The following CEP170 variants were observed in gnomAD, a reference collection of about 807,000 sequenced individuals.
CEP170 encodes centrosomal protein of 170 kDa.
In CEP170, 21 loss-of-function variants were observed where a neutral mutation model predicts 151.9. The ratio of observed to expected loss-of-function variants is 0.14; its 90% CI spans 0.10 to 0.20. The LOEUF (loss-of-function observed/expected upper bound fraction) is 0.20, where lower values mean the gene tolerates loss of function less well. Among genes scored for constraint, CEP170 ranks in the 10% least tolerant of loss-of-function variants. CEP170 has a pLI of 1.00. For synonymous variants in CEP170, 356 were observed against 648.8 expected (o/e 0.55, Z 6.86); for missense variants, 964 against 1,892.9 (o/e 0.51, Z 9.11).
chr1:243,206,767 T>C (rs1329608057), intron 4 of CEP170, among the ~76,000 whole-genome samples: 1 of 152,170 alleles, frequency 6.6e-6, no homozygotes, highest in Non-Finnish European at 1.5e-5. Context: ...CACATAAAAA[T>C]AAAATACATG....
chr1:243,190,937 T>C, intron 8 of CEP170, 81 bp downstream of exon 8: 1 of 1,424,496 alleles, frequency 7.0e-7, no homozygotes, highest in Admixed American at 2.8e-5. Flanking sequence ...ACCATGTAAG[T>C]ATCTACTAGT....
chr1:243,163,850 C>G (rs1174692450), intron 13 of CEP170, among the ~76,000 whole-genome samples: 1 of 152,210 alleles, frequency 6.6e-6, no homozygotes, highest in Non-Finnish European at 1.5e-5. Context: ...TACTGCTTTT[C>G]TTCAAGTTCT....
chr1:243,190,474 T>C (rs1203218433), intron 8 of CEP170, among the ~76,000 whole-genome samples: 1 of 152,146 alleles, frequency 6.6e-6, no homozygotes, highest in Non-Finnish European at 1.5e-5. Flanking sequence ...AAAAAAATTT[T>C]AAAACTGGAT....
At chr1:243,188,757 C>T (rs1461262596) in intron 8 of CEP170, among the ~76,000 whole-genome samples, 1 of 152,178 alleles carries the variant, frequency 6.6e-6, no homozygotes, top group Non-Finnish European at 1.5e-5. Context: ...TGCCTACTTT[C>T]AATTCTTTGA....
intron 13 of CEP170, among the ~76,000 whole-genome samples, chr1:243,163,967 T>C (rs2058260099): frequency 6.6e-6 from 1 of 152,188 alleles, no homozygotes; most frequent in Non-Finnish European, 1.5e-5. Context: ...TAATTTAATT[T>C]TGACACACAC....
intron 13 of CEP170, among the ~76,000 whole-genome samples, chr1:243,158,927 C>T (rs766626206): frequency 5.9e-5 from 9 of 151,560 alleles, no homozygotes; most frequent in East Asian, 3.9e-4. Flanking sequence ...ATTAGCCAGG[C>T]GTGGTAGGGC....
intron 10 of CEP170, chr1:243,174,952 T>G (rs1037914542): frequency 6.6e-6 from 1 of 152,240 alleles, no homozygotes; most frequent in Non-Finnish European, 1.5e-5. Flanking sequence ...GAAGTTTATT[T>G]ACTTATTTTA....
intron 14 of CEP170, among the ~76,000 whole-genome samples, chr1:243,152,521 ATTTTTTTTTT>A (rs371392454): frequency 0.23 from 12,568 of 55,084 alleles, 1,015 homozygotes; most frequent in African/African-American, 0.28. Flanking sequence ...GCGCCCAGCC[ATTTTTTTTTT>A]TTTTTTTTTT....
intron 13 of CEP170, among the ~76,000 whole-genome samples, chr1:243,158,438 C>T (rs772084456): frequency 1.3e-5 from 2 of 152,102 alleles, no homozygotes; most frequent in Admixed American, 6.5e-5. Context: ...CATATGAAAA[C>T]GTAAGTATGA....
In CEP170 at chr1:243,221,712, C is replaced by T. The variant is rs1177734259; in HGVS notation, c.195+12G>A. The T allele has an allele frequency of 6.2e-7, 1 of 1,601,770 alleles. No homozygotes were observed. The stretch of plus-strand genomic sequence containing the variant: ...ATGTTCAAACAAGACAAAAAATAAA[C>T]CATTGACTTACCCCATTGAGGCTGC... On this transcript the variant is annotated intron_variant, in intron 3 of 19. Transcript: ENST00000366542.
intron 1 of CEP170, among the ~76,000 whole-genome samples, chr1:243,241,263 A>G (rs1161838846): frequency 6.6e-6 from 1 of 152,254 alleles, no homozygotes; most frequent in Non-Finnish European, 1.5e-5. Context: ...GCTCCACATT[A>G]AGACTACAAA....
intron 11 of CEP170, 47 bp from the exon 12 acceptor site, chr1:243,169,801 C>G (rs377018642): frequency 1.9e-6 from 3 of 1,571,400 alleles, no homozygotes; most frequent in Non-Finnish European, 2.6e-6. Flanking sequence ...CTGGTCATAT[C>G]TGAGTCTCAT....
At chr1:243,133,359 A>C (rs927302179) in intron 17 of CEP170, among the ~76,000 whole-genome samples, 1 of 152,286 alleles carries the variant, frequency 6.6e-6, no homozygotes, top group Admixed American at 6.5e-5. Context: ...TGAATGAATG[A>C]GTCTGGAGAC....
At chr1:243,167,645 C>CT (rs1225497330) in intron 12 of CEP170, among the ~76,000 whole-genome samples, 8 of 150,774 alleles carry the variant, frequency 5.3e-5, no homozygotes, top group Non-Finnish European at 1.0e-4. Flanking sequence ...TTCTGTGGGT[C>CT]TTTTTTTTCC....
intron 1 of CEP170, among the ~76,000 whole-genome samples, chr1:243,235,380 A>G (rs1329402347): frequency 6.6e-6 from 1 of 152,190 alleles, no homozygotes; most frequent in South Asian, 2.1e-4. Context: ...ATACTCTTGG[A>G]AAAAATTCAT....
At chr1:243,141,825 T>C (rs767934478) in intron 15 of CEP170, among the ~76,000 whole-genome samples, 1 of 152,220 alleles carries the variant, frequency 6.6e-6, no homozygotes, top group African/African-American at 2.4e-5. Context: ...TGTATTTCAA[T>C]TTTTCAAAAT....
intron 4 of CEP170, among the ~76,000 whole-genome samples, chr1:243,202,200 C>CA (rs1225113589): frequency 6.6e-6 from 1 of 152,110 alleles, no homozygotes; most frequent in Non-Finnish European, 1.5e-5. Flanking sequence ...ACTCAGGAAT[C>CA]AAAAACCCAA....
intron 10 of CEP170, among the ~76,000 whole-genome samples, chr1:243,174,818 C>T (rs1322742954): frequency 6.6e-6 from 1 of 152,176 alleles, no homozygotes; most frequent in Non-Finnish European, 1.5e-5. Context: ...CAGAGTATAA[C>T]CTGTGTCCTC....
chr1:243,252,182 C>T (rs190064990), intron 1 of CEP170, among the ~76,000 whole-genome samples: 6 of 152,268 alleles, frequency 3.9e-5, no homozygotes, highest in East Asian at 1.9e-4. Flanking sequence ...TCAAATGGCA[C>T]GTAACTGCTC....
Sources: allele counts gnomAD v4.1 joint callset (sites outside exome capture counted in the v4.1 genomes callset), GRCh38; gene constraint gnomAD v4.1.1; transcripts MANE v1.5; gene names NCBI Gene and HGNC (gene_info 2026-07-23, HGNC 2026-07-21).